Variants in SERPINB8 observed in about 807,000 individuals in gnomAD.
The protein encoded by SERPINB8 is serpin B8.
Under a neutral mutation model 35.3 loss-of-function variants are expected in SERPINB8, and 25 were observed. That is an observed-to-expected ratio of 0.71 (90% confidence interval 0.52 to 0.99). SERPINB8 has a LOEUF of 0.99. Ranked by LOEUF, SERPINB8 falls within the 50% of genes least tolerant of loss-of-function variation. SERPINB8 has a pLI of 0.00. For missense variants in SERPINB8, 484 were observed against 446.5 expected, an observed-to-expected ratio of 1.08 and a Z score of -0.76; for synonymous variants, 186 against 160.8, an observed-to-expected ratio of 1.16 and a Z score of -1.19.
intron 6 of SERPINB8, 138 bp downstream of exon 6, chr18:63,985,383 C>A: frequency 1.1e-6 from 1 of 879,758 alleles, no homozygotes; most frequent in South Asian, 1.8e-5. Flanking sequence ...CATTGTGTGT[C>A]TTTTGATGAA....
chr18:64,001,426 G>A (rs2050873645), intron 1 of SERPINB8, among the ~76,000 whole-genome samples: 1 of 151,970 alleles, frequency 6.6e-6, no homozygotes, highest in Admixed American at 6.6e-5. Context: ...CTGTAAGGAG[G>A]CACTCGATTT....
rs778654412 is a variant in SERPINB8, at chr18:63,981,845, C to G, written c.424+7C>G. On this transcript the variant is annotated splice_region_variant and intron_variant, in intron 4 of 6. Transcript: ENST00000397985. ...GTGGCAGAGAAGACTGAAGGTGAGACAGTTTCATTTCTGTTGATTTGGAAT... is the reference window on the plus strand; with the variant it reads ...GTGGCAGAGAAGACTGAAGGTGAGAGAGTTTCATTTCTGTTGATTTGGAAT... The G allele has an allele frequency of 6.4e-7, 1 of 1,572,090 alleles. No individual in the cohort carries two copies. Among genetic ancestry groups the G allele is most frequent in the Non-Finnish European group, 8.7e-7 (1 of 1,144,672 alleles).
chr18:63,979,945 AG>A lies in SERPINB8; in HGVS notation c.306+8del. 6.2e-7 allele frequency: 1 copy of A among 1,613,822 alleles called. No individual in the cohort carries two copies. Among genetic ancestry groups the A allele is most frequent in the Non-Finnish European group, 8.5e-7 (1 of 1,179,746 alleles). ...GACGTGTGATTTCCTTCCAGTAAGT[AG>A]TATTCACATATTGATGACAAAGAAA... On this transcript the variant is annotated splice_region_variant and intron_variant, in intron 3 of 6. Transcript: ENST00000397985.
intron 2 of SERPINB8, among the ~76,000 whole-genome samples, chr18:63,978,783 C>A (rs1448680223): frequency 6.6e-6 from 1 of 152,158 alleles, no homozygotes; most frequent in East Asian, 1.9e-4. Context: ...CACAAGAAAG[C>A]AAAATATTCC....
Position 63,970,171 on chromosome 18 carries a change from G to T in SERPINB8, c.-11+1G>T, listed in dbSNP as rs2050441461. 5.7e-6 allele frequency: 2 copies of T among 348,724 alleles called. No homozygotes were observed. The highest frequency in any genetic ancestry group is 2.2e-5 in the South Asian group (1 of 45,320). The allele number at this position is 348,724 out of a possible 1,614,324, so 21.6% of individuals were successfully genotyped here. On this transcript the variant is annotated splice_donor_variant, in intron 1 of 6. Coordinates refer to ENST00000397985, the MANE Select transcript of SERPINB8 (RefSeq NM_002640.4). LOFTEE classifies it low-confidence loss of function (5UTR_SPLICE). ...GCGGCAGCAGCAGCAGCAGCAGGAG[G>T]TGGGGGCCTCTGCCAGGTACCGGGC... is the stretch of plus-strand genomic sequence containing the variant.
downstream of SERPINB8, among the ~76,000 whole-genome samples, chr18:63,989,769 C>G (rs993901034): frequency 2.6e-5 from 4 of 151,476 alleles, no homozygotes; most frequent in African/African-American, 9.7e-5. Context: ...CGGTGAAACC[C>G]CGTCTCTACT....
intron 1 of SERPINB8, among the ~76,000 whole-genome samples, chr18:63,997,665 G>A (rs2050856712): frequency 6.6e-6 from 1 of 152,194 alleles, no homozygotes; most frequent in Admixed American, 6.5e-5. Context: ...CCTCAACAAA[G>A]GAGCCCTGCT....
At chr18:64,007,087 A>G (rs2050903393), downstream of SERPINB8, among the ~76,000 whole-genome samples, 1 of 152,160 alleles carries the variant, frequency 6.6e-6, no homozygotes, top group African/African-American at 2.4e-5. Context: ...GATTAACTGC[A>G]ATGAAAAAAA....
chr18:64,009,755 G>A (rs1195381868), downstream of SERPINB8, among the ~76,000 whole-genome samples: 2 of 152,176 alleles, frequency 1.3e-5, no homozygotes, highest in Non-Finnish European at 2.9e-5. Flanking sequence ...TATCAATAAT[G>A]CCCACAAGCT....
At chr18:64,007,335 A>G (rs916385238), downstream of SERPINB8, among the ~76,000 whole-genome samples, 1 of 152,172 alleles carries the variant, frequency 6.6e-6, no homozygotes, top group African/African-American at 2.4e-5. Context: ...CAAAAATTTA[A>G]CGTTCTCCCA....
chr18:63,980,399 A>G (rs1169808279), intron 3 of SERPINB8, among the ~76,000 whole-genome samples: 1 of 152,214 alleles, frequency 6.6e-6, no homozygotes. Flanking sequence ...AGCAGTTTCT[A>G]TTTACTTCAG....
chr18:64,004,431 A>G (rs1462863070), intron 1 of SERPINB8, among the ~76,000 whole-genome samples: 1 of 152,210 alleles, frequency 6.6e-6, no homozygotes, highest in Non-Finnish European at 1.5e-5. Flanking sequence ...TGGCAATTAA[A>G]TAATTACAAT....
intron 1 of SERPINB8, among the ~76,000 whole-genome samples, chr18:63,976,326 T>C (rs2050581089): frequency 6.6e-6 from 1 of 152,204 alleles, no homozygotes. Context: ...GTTTAATAGA[T>C]ATAAACAACA....
rs2050621489 is a variant in SERPINB8, at chr18:63,978,601, G to A, written c.168+125G>A. The A allele has an allele frequency of 1.7e-5, 18 of 1,080,838 alleles. 1 individual carries two copies. Among genetic ancestry groups the A allele is most frequent in the South Asian group, 1.3e-4 (9 of 67,848 alleles). 67.0% of individuals were successfully genotyped at this position (1,080,838 alleles called of 1,614,324 possible). The stretch of plus-strand genomic sequence containing the variant: ...CTGGAGGTAGAAGGAGGAGCAGCTC[G>A]GCAGTGGAGAAGAGCAGAAAGGGGT... On this transcript the variant is annotated intron_variant, in intron 2 of 6. Coordinates refer to ENST00000397985, the MANE Select transcript of SERPINB8 (RefSeq NM_002640.4).
chr18:64,006,298 A>T (rs2144845923), downstream of SERPINB8, among the ~76,000 whole-genome samples: 1 of 152,312 alleles, frequency 6.6e-6, no homozygotes, highest in South Asian at 2.1e-4. Flanking sequence ...AGTGTTATGG[A>T]TTGAATGTTT....
chr18:63,985,875 C>G (rs187633593), intron 6 of SERPINB8, among the ~76,000 whole-genome samples: 1 of 152,298 alleles, frequency 6.6e-6, no homozygotes, highest in East Asian at 1.9e-4. Context: ...TAAACCAGCT[C>G]TGGGAGGTGG....
downstream of SERPINB8, among the ~76,000 whole-genome samples, chr18:64,010,402 G>A (rs1197926486): frequency 1.3e-5 from 2 of 152,094 alleles, no homozygotes; most frequent in East Asian, 1.9e-4. Flanking sequence ...CCCTAAAGAA[G>A]CTCTTGCATA....
downstream of SERPINB8, among the ~76,000 whole-genome samples, chr18:64,008,875 C>T (rs2050912840): frequency 6.6e-6 from 1 of 151,996 alleles, no homozygotes; most frequent in African/African-American, 2.4e-5. Flanking sequence ...ATTAACGAAC[C>T]CTCTCAGTGC....
chr18:64,005,104 G>T, exon 2 of SERPINB8: 1 of 360,816 alleles, frequency 2.8e-6, no homozygotes, highest in Non-Finnish European at 4.9e-6. Flanking sequence ...AATATAAAAG[G>T]ATTTGGTTAT....
Sources: allele counts gnomAD v4.1 joint callset (sites outside exome capture counted in the v4.1 genomes callset), GRCh38; gene constraint gnomAD v4.1.1; transcripts MANE v1.5; gene names NCBI Gene and HGNC (gene_info 2026-07-23, HGNC 2026-07-21).